GSE1: variants seen among roughly 807,000 people sequenced by gnomAD.
GSE1 encodes genetic suppressor element 1.
Under a neutral mutation model 112.6 loss-of-function variants are expected in GSE1, and 32 were observed. The observed-to-expected ratio is 0.28, with a 90% CI of 0.21 to 0.38. GSE1 has a LOEUF of 0.38. GSE1 is among the 10% of genes least tolerant of loss of function. The pLI is 1.00. For synonymous variants in GSE1, 1,115 were observed against 735.6 expected (o/e 1.52, Z -8.35); for missense variants, 2,348 against 1,699.2 (o/e 1.38, Z -6.71).
intron 1 of GSE1, among the ~76,000 whole-genome samples, chr16:85,197,468 G>C (rs946863811): frequency 1.3e-5 from 2 of 152,194 alleles, no homozygotes; most frequent in African/African-American, 4.8e-5. Context: ...ATAACACCCA[G>C]GGTGTCACTT....
rs541590639 is a variant in GSE1, at chr16:85,605,840, C to CA, written c.38-42709dup. Among the ~76,000 whole-genome samples the CA allele has an allele frequency of 1.2e-4, 18 of 152,026 alleles. No homozygotes were observed. In the East Asian group the frequency reaches 3.5e-3, roughly 29 times the overall value. On this transcript the variant is annotated intron_variant, in intron 1 of 2. Transcript: ENST00000635906. ...CCGCATTGTAGGTGATCAGAAGCCT[C>CA]AAACAGCAGGCTGGGCTCATGGGCG...
Position 85,313,050 on chromosome 16 carries a change from G to A in GSE1, c.2284-44413G>A, listed in dbSNP as rs532485412. Among the ~76,000 whole-genome samples, 19 of 152,232 alleles carry A rather than the reference G, an allele frequency of 1.2e-4. No individual in the cohort carries two copies. In the East Asian group the frequency reaches 2.5e-3, roughly 20 times the overall value. ...AGGAGCCACTGCCCGGCTGATACTCGCCAAGGCCCCAGCTCTGACACTCCA... is the reference window on the plus strand; with the variant it reads ...AGGAGCCACTGCCCGGCTGATACTCACCAAGGCCCCAGCTCTGACACTCCA... On this transcript the variant is annotated intron_variant, in intron 1 of 2. Transcript: ENST00000637419.
In GSE1 at chr16:85,409,637, G is replaced by C. The variant is rs1419023294; in HGVS notation, c.2464+51994G>C. Among the ~76,000 whole-genome samples, 2 of 9,346 alleles carry C rather than the reference G, an allele frequency of 2.1e-4. 1 individual carries two copies. Among genetic ancestry groups the C allele is most frequent in the African/African-American group, 2.9e-4 (2 of 6,958 alleles). 6.1% of individuals were successfully genotyped at this position (9,346 alleles called of 152,430 possible). A position where few individuals can be genotyped will look rare whatever the true frequency, so the allele number is the denominator to read the frequency against. ...TGGATAATCCTCACCGTTACACTCA[G>C]GGCCCCCCTGGATAATCCTCACCGT... On this transcript the variant is annotated intron_variant, in intron 2 of 2. Coordinates refer to the GSE1 transcript ENST00000637419.
At chr16:85,625,456 A>G (rs549292615) in intron 1 of GSE1, among the ~76,000 whole-genome samples, 3 of 152,092 alleles carry the variant, frequency 2.0e-5, no homozygotes, top group Admixed American at 2.0e-4. Flanking sequence ...CTGTCCTCAA[A>G]ACTGTAGTGT....
In GSE1 at chr16:85,457,835, C is replaced by G. The variant is rs147737098; in HGVS notation, c.2464+100192C>G. The stretch of plus-strand genomic sequence containing the variant: ...TAACCCTGCTTTCCAGTAAAAATAA[C>G]AGCAACCAACATTTATTAAGGACTG... On this transcript the variant is annotated intron_variant, in intron 2 of 2. Coordinates refer to the GSE1 transcript ENST00000637419. 1.4e-3 allele frequency among the ~76,000 whole-genome samples: 217 copies of G among 152,334 alleles called. 3 individuals are homozygous for G. The East Asian group carries it at 0.037, about 26-fold the overall frequency.
At chr16:85,516,305 G>A (rs2051933977) in intron 2 of GSE1, among the ~76,000 whole-genome samples, 1 of 152,050 alleles carries the variant, frequency 6.6e-6, no homozygotes, top group African/African-American at 2.4e-5. Context: ...ACTGTGACTG[G>A]GAGACAGAGC....
intron 1 of GSE1, among the ~76,000 whole-genome samples, chr16:85,216,020 G>T (rs564438285): frequency 6.6e-6 from 1 of 152,310 alleles, no homozygotes; most frequent in East Asian, 1.9e-4. Context: ...AGCCCTGGGG[G>T]TCAGCCCACA....
At position 85,419,174 on chromosome 16, in the gene GSE1, G is replaced by C. The variant is rs977251413; in HGVS notation, c.2464+61531G>C. 6.6e-6 allele frequency among the ~76,000 whole-genome samples: 1 copy of C among 152,158 alleles called. No individual in the cohort carries two copies. Among genetic ancestry groups the C allele is most frequent in the Non-Finnish European group, 1.5e-5 (1 of 68,020 alleles). ...TGGGAGCCCAGGCACCGAGCCTGGGGATTCTGACAGTCAGAGGCTGCCTTA... is the reference window on the plus strand; with the variant it reads ...TGGGAGCCCAGGCACCGAGCCTGGGCATTCTGACAGTCAGAGGCTGCCTTA... On this transcript the variant is annotated intron_variant, in intron 2 of 2. Transcript: ENST00000637419. This position sits in a 1 kb window ranked among gnomAD's most constrained non-coding sequence, Gnocchi z 6.5.
intron 2 of GSE1, among the ~76,000 whole-genome samples, chr16:85,485,781 A>G (rs1246387477): frequency 1.3e-5 from 2 of 149,958 alleles, no homozygotes; most frequent in Non-Finnish European, 2.9e-5. Flanking sequence ...CACCCTCCCT[A>G]GGGATGGCAG....
chr16:85,394,728 T>A (rs2047928597), intron 2 of GSE1, among the ~76,000 whole-genome samples: 1 of 151,394 alleles, frequency 6.6e-6, no homozygotes, highest in Non-Finnish European at 1.5e-5. Context: ...GCCCCGTCCG[T>A]CTCCCCCGAG....
At chr16:85,240,549 C>T (rs1224931425) in intron 1 of GSE1, among the ~76,000 whole-genome samples, 1 of 152,238 alleles carries the variant, frequency 6.6e-6, no homozygotes, top group Non-Finnish European at 1.5e-5. Flanking sequence ...GGGCCGGTCA[C>T]TGAGGCTCTC....
chr16:85,272,838 A>G (rs1185106667), intron 1 of GSE1, among the ~76,000 whole-genome samples: 4 of 147,870 alleles, frequency 2.7e-5, no homozygotes, highest in African/African-American at 1.0e-4. Flanking sequence ...GTGCAATGAC[A>G]TGATCTCTGC....
chr16:85,250,801 C>A (rs1597190407), intron 1 of GSE1, among the ~76,000 whole-genome samples: 1 of 152,106 alleles, frequency 6.6e-6, no homozygotes, highest in Middle Eastern at 3.4e-3. Flanking sequence ...CAAAAGAAGC[C>A]CTGCATCCTC....
chr16:85,492,002 G>T lies in GSE1; in HGVS notation c.2464+134359G>T, dbSNP rs111584011. On this transcript the variant is annotated intron_variant, in intron 2 of 2. Transcript: ENST00000637419. ...CTGGGGCATCTTTCTGCTTACCTGG[G>T]CACCACCACCACCACCGAGGTGCTG... 4.1e-3 allele frequency among the ~76,000 whole-genome samples: 618 copies of T among 152,094 alleles called. 3 individuals are homozygous for T. The highest frequency in any genetic ancestry group is 0.014 in the African/African-American group (588 of 41,474).
upstream of GSE1, among the ~76,000 whole-genome samples, chr16:85,554,442 G>C (rs1436542538): frequency 6.6e-6 from 1 of 152,168 alleles, no homozygotes; most frequent in African/African-American, 2.4e-5. Context: ...CCCAGTAATA[G>C]CATTTATTAG....
Position 85,235,267 on chromosome 16 carries a change from C to T in GSE1, c.2283+63460C>T, listed in dbSNP as rs551628080. 5.7e-4 allele frequency among the ~76,000 whole-genome samples: 87 copies of T among 152,124 alleles called. 1 individual carries two copies. Among genetic ancestry groups the T allele is most frequent in the African/African-American group, 1.8e-3 (73 of 41,514 alleles). On this transcript the variant is annotated intron_variant, in intron 1 of 2. Coordinates refer to the GSE1 transcript ENST00000637419. ...CAACCCCCCGGCCGCCTCTGGCTGC[C>T]AGGCGGGGGTGGGCTGGCCTCTTCC...
chr16:85,494,133 G>T (rs995083851), intron 2 of GSE1, among the ~76,000 whole-genome samples: 1 of 152,242 alleles, frequency 6.6e-6, no homozygotes, highest in Non-Finnish European at 1.5e-5. Flanking sequence ...ACCCCGAACA[G>T]AGGGGCTTAT....
chr16:85,449,439 G>A (rs755590556), intron 2 of GSE1, among the ~76,000 whole-genome samples: 2 of 152,252 alleles, frequency 1.3e-5, no homozygotes, highest in Admixed American at 6.5e-5. Context: ...TCAGAGCCCC[G>A]GCTCCCAGAT....
chr16:85,414,103 G>A lies in GSE1; in HGVS notation c.2464+56460G>A, dbSNP rs140912139. ...CAGGCAGTTCTTTATAGCAGTGTGAGAACGGACTAACACAGAGGGTGTGCA... is the reference window on the plus strand; with the variant it reads ...CAGGCAGTTCTTTATAGCAGTGTGAAAACGGACTAACACAGAGGGTGTGCA... On this transcript the variant is annotated intron_variant, in intron 2 of 2. Coordinates refer to the GSE1 transcript ENST00000637419. Among the ~76,000 whole-genome samples the A allele has an allele frequency of 3.3e-5, 5 of 152,288 alleles. No individual in the cohort carries two copies. The East Asian group carries it at 9.6e-4, about 29-fold the overall frequency.
Sources: allele counts gnomAD v4.1 joint callset (sites outside exome capture counted in the v4.1 genomes callset), GRCh38; gene constraint gnomAD v4.1.1; non-coding constraint Gnocchi (gnomAD v3.1); transcripts MANE v1.5; gene names NCBI Gene and HGNC (gene_info 2026-07-23, HGNC 2026-07-21).